The following LRRC49 variants were observed in gnomAD, a reference collection of about 807,000 sequenced individuals.
LRRC49 encodes the protein leucine-rich repeat-containing protein 49.
A neutral mutation model predicts 83.3 loss-of-function variants in LRRC49; 50 were observed. The ratio of observed to expected loss-of-function variants is 0.60; its 90% CI spans 0.48 to 0.76. LRRC49 has a LOEUF of 0.76. Ranked by LOEUF, LRRC49 falls within the 30% of genes least tolerant of loss-of-function variation. The pLI is 0.00. For missense variants in LRRC49, 704 were observed against 809.1 expected (o/e 0.87, Z 1.58); for synonymous variants, 286 against 283.3 (o/e 1.01, Z -0.10).
chr15:70,898,496 C>T (rs776189291), intron 3 of LRRC49: 74 of 685,448 alleles, frequency 1.1e-4, no homozygotes, highest in Middle Eastern at 7.8e-4. Context: ...AATAACAGGC[C>T]GGTTGCTATG....
At chr15:70,890,036 T>C (rs1307775731), upstream of LRRC49, among the ~76,000 whole-genome samples, 2 of 152,252 alleles carry the variant, frequency 1.3e-5, no homozygotes, top group African/African-American at 2.4e-5. Flanking sequence ...TTATAAATGT[T>C]GGCTGGTTAT....
At position 70,895,930 on chromosome 15, in the gene LRRC49, A is replaced by G; in HGVS notation, c.187A>G (p.Arg63Gly). Reference protein sequence around the residue: ...QHDLERNYSSRQGDHINLVSS... With the variant: ...QHDLERNYSSGQGDHINLVSS... ...TGACCTTGAAAGAAACTACTCAAGT[A>G]GGCAAGGTATTGTCAGTGAATAGAG... The change falls in exon 3 of 16, where the codon AGG (arginine) becomes GGG (glycine). Residue 63 changes from arginine to glycine, a missense_variant. Physicochemically the swap from Arg to Gly is moderately radical, Grantham distance 125. Coordinates refer to ENST00000260382, the MANE Select transcript of LRRC49 (RefSeq NM_017691.5). 1 of 1,592,886 alleles carries G rather than the reference A, an allele frequency of 6.3e-7. No individual in the cohort carries two copies. The highest frequency in any genetic ancestry group is 1.1e-5 in the South Asian group (1 of 89,892).
chr15:70,873,207 T>G, exon 2 of LRRC49: 1 of 1,536,036 alleles, frequency 6.5e-7, no homozygotes, highest in Non-Finnish European at 8.7e-7. Flanking sequence ...CTTTTAAAGA[T>G]GGATTGCCAA....
At chr15:70,924,330 A>AT (rs2035116713) in intron 7 of LRRC49, among the ~76,000 whole-genome samples, 1 of 151,722 alleles carries the variant, frequency 6.6e-6, no homozygotes, top group Non-Finnish European at 1.5e-5. Flanking sequence ...ATATGTTTAG[A>AT]TTTTTTACTT....
intron 11 of LRRC49, among the ~76,000 whole-genome samples, chr15:71,000,944 ACT>A (rs1168399980): frequency 6.7e-6 from 1 of 150,290 alleles, no homozygotes; most frequent in Non-Finnish European, 1.5e-5. Context: ...CTCTGTTTAC[ACT>A]CTCTGCTTTC....
chr15:70,940,138 A>G (rs553452717), intron 8 of LRRC49, among the ~76,000 whole-genome samples: 22 of 152,202 alleles, frequency 1.4e-4, no homozygotes, highest in South Asian at 8.3e-4. Flanking sequence ...TTATATTTCT[A>G]GAAAAGAATC....
At chr15:70,994,526 G>T (rs923412569) in intron 11 of LRRC49, among the ~76,000 whole-genome samples, 1 of 152,034 alleles carries the variant, frequency 6.6e-6, no homozygotes, top group Non-Finnish European at 1.5e-5. Context: ...CCAGGCTGAA[G>T]TGCGGTGGCA....
chr15:70,909,334 G>A (rs1408604790), intron 5 of LRRC49, among the ~76,000 whole-genome samples: 2 of 152,142 alleles, frequency 1.3e-5, no homozygotes, highest in East Asian at 3.8e-4. Context: ...GTTTTTACAA[G>A]CACTCTGGGT....
Position 70,986,951 on chromosome 15 carries a change from A to G in LRRC49, c.1169+2694A>G, listed in dbSNP as rs903587492. On this transcript the variant is annotated intron_variant, in intron 11 of 15. Coordinates refer to ENST00000260382, the MANE Select transcript of LRRC49 (RefSeq NM_017691.5). Reference sequence around the variant, plus strand: ...CTGGATTACATTTATTGATTTGCGTATATTGAGCCATCCTTGCATCCCAGG... The same window carrying G: ...CTGGATTACATTTATTGATTTGCGTGTATTGAGCCATCCTTGCATCCCAGG... 2.0e-4 allele frequency among the ~76,000 whole-genome samples: 30 copies of G among 152,298 alleles called. 1 individual carries two copies. Among genetic ancestry groups the G allele is most frequent in the Admixed American group, 2.0e-3 (30 of 15,294 alleles).
At chr15:70,858,518 C>A (rs1031873670) in intron 1 of LRRC49, among the ~76,000 whole-genome samples, 1 of 152,174 alleles carries the variant, frequency 6.6e-6, no homozygotes, top group Non-Finnish European at 1.5e-5. Flanking sequence ...GCAGGAAAAT[C>A]GCTTGAACCC....
At chr15:70,971,007 A>G (rs2036975556) in intron 9 of LRRC49, among the ~76,000 whole-genome samples, 1 of 151,864 alleles carries the variant, frequency 6.6e-6, no homozygotes, top group African/African-American at 2.4e-5. Context: ...GATCTTAGTT[A>G]TTTCTTGTCT....
chr15:70,886,714 A>G (rs964130889), intron 2 of LRRC49, among the ~76,000 whole-genome samples: 2 of 152,068 alleles, frequency 1.3e-5, no homozygotes, highest in African/African-American at 4.8e-5. Context: ...AAAAATACAA[A>G]AATTAGCTGG....
chr15:70,860,555 C>G (rs1414029001), intron 1 of LRRC49, among the ~76,000 whole-genome samples: 2 of 152,186 alleles, frequency 1.3e-5, no homozygotes, highest in Non-Finnish European at 2.9e-5. Flanking sequence ...GCTGGGACTA[C>G]AGGCATGCCA....
intron 2 of LRRC49, among the ~76,000 whole-genome samples, chr15:70,878,714 A>T (rs1259648662): frequency 6.6e-6 from 1 of 152,224 alleles, no homozygotes; most frequent in Non-Finnish European, 1.5e-5. Context: ...TGAAGGTGAC[A>T]TGATTTTTCT....
chr15:70,859,990 C>T, intron 1 of LRRC49: 3 of 755,754 alleles, frequency 4.0e-6, no homozygotes, highest in South Asian at 2.7e-5. Flanking sequence ...TGAGCTCCAC[C>T]TATGGGGACC....
chr15:70,927,168 A>T (rs1434989058), intron 7 of LRRC49, among the ~76,000 whole-genome samples: 2 of 152,186 alleles, frequency 1.3e-5, no homozygotes, highest in African/African-American at 4.8e-5. Flanking sequence ...GAGAGTTCTC[A>T]TTGCTCAAAA....
intron 8 of LRRC49, among the ~76,000 whole-genome samples, chr15:70,960,965 G>T (rs1219442069): frequency 6.6e-6 from 1 of 152,080 alleles, no homozygotes; most frequent in Non-Finnish European, 1.5e-5. Flanking sequence ...TCTGTTCTGT[G>T]AAAGACACTG....
chr15:70,989,087 A>T (rs1567086181), intron 11 of LRRC49, among the ~76,000 whole-genome samples: 1 of 151,808 alleles, frequency 6.6e-6, no homozygotes, highest in Non-Finnish European at 1.5e-5. Context: ...CTTCATTTCA[A>T]CTTTGGTGAA....
intron 7 of LRRC49, among the ~76,000 whole-genome samples, chr15:70,930,600 C>G (rs1450489213): frequency 6.6e-6 from 1 of 152,192 alleles, no homozygotes; most frequent in Non-Finnish European, 1.5e-5. Flanking sequence ...CTTCTCCTCT[C>G]CATCTATAAA....
Sources: allele counts gnomAD v4.1 joint callset (sites outside exome capture counted in the v4.1 genomes callset), GRCh38; gene constraint gnomAD v4.1.1; transcripts MANE v1.5; gene names NCBI Gene and HGNC (gene_info 2026-07-23, HGNC 2026-07-21).